DDX31: variants seen among roughly 807,000 people sequenced by gnomAD.
The protein encoded by DDX31 is DEAD-box helicase 31.
In DDX31, 70 loss-of-function variants were observed where a neutral mutation model predicts 91.3. The observed-to-expected ratio is 0.77, with a 90% CI of 0.63 to 0.94. The LOEUF is 0.94. DDX31 is among the 40% of genes least tolerant of loss of function. The pLI is 0.00. For synonymous variants in DDX31, 362 were observed against 350.6 expected (o/e 1.03, Z -0.36); for missense variants, 902 against 925.0 (o/e 0.98, Z 0.32).
At chr9:132,659,326 T>C (rs1027169877) in intron 5 of DDX31, among the ~76,000 whole-genome samples, 1 of 152,176 alleles carries the variant, frequency 6.6e-6, no homozygotes, top group African/African-American at 2.4e-5. Context: ...CAGTGTTCTG[T>C]CCTCGAGCAC....
chr9:132,622,291 C>G (rs1380869826), intron 17 of DDX31, among the ~76,000 whole-genome samples: 3 of 152,194 alleles, frequency 2.0e-5, no homozygotes, highest in Admixed American at 1.3e-4. Flanking sequence ...GGACCTGGCT[C>G]TTACTCATGA....
In DDX31 at chr9:132,641,834, C is replaced by T. The variant is rs529975372; in HGVS notation, c.1440+170G>A. On this transcript the variant is annotated intron_variant, in intron 14 of 19. Coordinates refer to ENST00000372159, the MANE Select transcript of DDX31 (RefSeq NM_022779.9). ...CACGGTGGTGGCTGGCTATCTGCAGCCCTGTCAGGTAACAAGAAAGAGGTG... is the reference window on the plus strand; with the variant it reads ...CACGGTGGTGGCTGGCTATCTGCAGTCCTGTCAGGTAACAAGAAAGAGGTG... Among the ~76,000 whole-genome samples, 4 of 152,266 alleles carry T rather than the reference C, an allele frequency of 2.6e-5. No homozygotes were observed. In the East Asian group the frequency reaches 5.8e-4, roughly 22 times the overall value.
intron 19 of DDX31, among the ~76,000 whole-genome samples, chr9:132,610,770 G>A (rs1314131937): frequency 2.0e-5 from 3 of 152,080 alleles, no homozygotes; most frequent in African/African-American, 7.2e-5. Context: ...TGATTCTCAA[G>A]ACAATCTCGT....
intron 15 of DDX31, among the ~76,000 whole-genome samples, chr9:132,631,577 T>C (rs983638124): frequency 6.6e-6 from 1 of 152,220 alleles, no homozygotes; most frequent in Non-Finnish European, 1.5e-5. Flanking sequence ...CACCAGACTC[T>C]AGTGCTAACA....
At chr9:132,650,025 A>C (rs1298718790) in intron 9 of DDX31, among the ~76,000 whole-genome samples, 2 of 152,210 alleles carry the variant, frequency 1.3e-5, no homozygotes, top group Non-Finnish European at 2.9e-5. Context: ...CAACATCAGA[A>C]GGAAACCTGT....
chr9:132,603,323 T>A (rs915000713), intron 19 of DDX31, among the ~76,000 whole-genome samples: 13 of 152,200 alleles, frequency 8.5e-5, no homozygotes, highest in African/African-American at 3.1e-4. Context: ...CGTGGAGATA[T>A]CTGAAAAAGA....
chr9:132,627,891 T>C (rs766230327), intron 16 of DDX31, among the ~76,000 whole-genome samples: 23 of 152,342 alleles, frequency 1.5e-4, no homozygotes, highest in Non-Finnish European at 2.8e-4. Context: ...CTGGCTCTCA[T>C]GTTCTCAGGC....
chr9:132,618,630 G>C (rs1444000806), intron 17 of DDX31, among the ~76,000 whole-genome samples, 189 bp from the exon 18 acceptor site: 1 of 151,750 alleles, frequency 6.6e-6, no homozygotes, highest in Non-Finnish European at 1.5e-5. Flanking sequence ...GATGAGGGTG[G>C]CTTTATGAGA....
chr9:132,645,789 TCGTAGCCATTGCTGAGCCTAAAGAC>T (rs1298947779), intron 13 of DDX31, 81 bp downstream of exon 13: 2 of 1,268,614 alleles, frequency 1.6e-6, no homozygotes, highest in African/African-American at 3.0e-5. Flanking sequence ...TGTGCAAGGG[TCGTAGCCATTGCTGAGCCTAAAGAC>T]CAGGTTTGCC....
chr9:132,616,469 T>A (rs868667383), intron 18 of DDX31, among the ~76,000 whole-genome samples: 3 of 152,206 alleles, frequency 2.0e-5, no homozygotes, highest in Non-Finnish European at 4.4e-5. Context: ...GAAATAGTTG[T>A]AGTCTTGCCA....
chr9:132,638,760 C>T (rs1350150582), intron 14 of DDX31, among the ~76,000 whole-genome samples: 3 of 152,190 alleles, frequency 2.0e-5, no homozygotes, highest in East Asian at 1.9e-4. Flanking sequence ...CACACACATG[C>T]ACCCTTAACT....
rs1300237264 is a variant in DDX31, at chr9:132,650,291, G to A, written c.683C>T (p.Thr228Ile). The A allele has an allele frequency of 1.2e-5, 19 of 1,613,998 alleles. No individual in the cohort carries two copies. The highest frequency in any genetic ancestry group is 1.6e-5 in the Non-Finnish European group (19 of 1,180,000). ...DTVQKLLKPF[T>I]WIVPGVLMGG... is the part of the protein sequence containing the mutation. ...CATTAACACTCCAGGCACAATCCAG[G>A]TGAAAGGCTACAGAAAGACAGCAGA... The change falls in exon 9 of 20, where the codon ACC (threonine) becomes ATC (isoleucine). Residue 228 changes from threonine to isoleucine, a missense_variant. By Grantham distance (89) the Thr-to-Ile change is moderately conservative. Transcript: ENST00000372159.
In DDX31 at chr9:132,645,959, C is replaced by T. The variant is rs1425758287; in HGVS notation, c.1316G>A (p.Gly439Glu). Reference sequence around the variant, plus strand: ...TCGCATGGAGGCAGATGGCAACTGCCCTGATGCCGGCGCCCCTGAGCTGCT... The same window carrying T: ...TCGCATGGAGGCAGATGGCAACTGCTCTGATGCCGGCGCCCCTGAGCTGCT... ...LLSSSGAPASGQLPSASMRLK... is the reference protein window; with the variant it reads ...LLSSSGAPASEQLPSASMRLK... The change falls in exon 13 of 20, where the codon GGG becomes GAG. Residue 439 changes from glycine to glutamate, a missense_variant. By Grantham distance (98) the Gly-to-Glu change is moderately conservative. Coordinates refer to ENST00000372159, the MANE Select transcript of DDX31 (RefSeq NM_022779.9). 1 of 1,613,858 alleles carries T rather than the reference C, an allele frequency of 6.2e-7. No individual in the cohort carries two copies. Among genetic ancestry groups the T allele is most frequent in the African/African-American group, 1.3e-5 (1 of 74,902 alleles).
chr9:132,603,313 C>T (rs553328740), intron 19 of DDX31, among the ~76,000 whole-genome samples: 6 of 152,240 alleles, frequency 3.9e-5, no homozygotes, highest in African/African-American at 1.2e-4. Context: ...TTGGGACCAA[C>T]GTGGAGATAT....
chr9:132,649,718 A>C (rs990023025), intron 9 of DDX31, among the ~76,000 whole-genome samples: 4 of 152,242 alleles, frequency 2.6e-5, no homozygotes, highest in African/African-American at 9.6e-5. Context: ...ATTAAGCTAT[A>C]ATACAATAAA....
intron 3 of DDX31, among the ~76,000 whole-genome samples, 200 bp downstream of exon 3, chr9:132,662,061 G>A (rs1834993103): frequency 6.6e-6 from 1 of 152,038 alleles, no homozygotes; most frequent in South Asian, 2.1e-4. Flanking sequence ...GGAAGGGGGG[G>A]CCAGAAAACA....
Position 132,650,195 on chromosome 9 carries a change from A to C in DDX31, c.740+39T>G, listed in dbSNP as rs754824448. ...CTTACTGAATAGGAAGGCAGGACAC[A>C]TTCAAGAAGGAAACAACAACCAACA... On this transcript the variant is annotated intron_variant, in intron 9 of 19. Coordinates refer to ENST00000372159, the MANE Select transcript of DDX31 (RefSeq NM_022779.9). The C allele has an allele frequency of 1.5e-5, 24 of 1,599,226 alleles. No individual in the cohort carries two copies. The Admixed American group carries it at 4.0e-4, about 27-fold the overall frequency.
chr9:132,659,401 C>T (rs2130831429), intron 5 of DDX31, among the ~76,000 whole-genome samples: 1 of 152,332 alleles, frequency 6.6e-6, no homozygotes, highest in South Asian at 2.1e-4. Context: ...CAGAAGAAGA[C>T]ATTCATTCTC....
At chr9:132,604,774 G>A (rs1830919029) in intron 19 of DDX31, among the ~76,000 whole-genome samples, 1 of 152,166 alleles carries the variant, frequency 6.6e-6, no homozygotes, top group Non-Finnish European at 1.5e-5. Context: ...TACTTCTGGT[G>A]GTCCTAACTG....
Sources: gnomAD v4.1 joint callset for allele counts (sites outside exome capture counted in the v4.1 genomes callset) on GRCh38, gnomAD v4.1.1 for gene constraint, MANE v1.5 for transcripts, NCBI Gene and HGNC (gene_info 2026-07-23, HGNC 2026-07-21) for gene names.